The following LSMEM1 variants were observed in gnomAD, a reference collection of about 807,000 sequenced individuals.
LSMEM1 encodes leucine rich single-pass membrane protein 1.
In LSMEM1, 10 loss-of-function variants were observed where a neutral mutation model predicts 11.3. The observed-to-expected ratio is 0.89, with a 90% CI of 0.55 to 1.50. LSMEM1 has a LOEUF of 1.50. Ranked by LOEUF, LSMEM1 falls within the 40% of genes most tolerant of loss-of-function variation. The pLI is 0.00. For synonymous variants in LSMEM1, 65 were observed against 59.3 expected, an observed-to-expected ratio of 1.10 and a Z score of -0.44; for missense variants, 151 against 152.9, an observed-to-expected ratio of 0.99 and a Z score of 0.06.
intron 2 of LSMEM1, 146 bp from the exon 3 acceptor site, chr7:112,486,775 CAA>C (rs925655074): frequency 1.5e-5 from 16 of 1,095,064 alleles, no homozygotes; most frequent in Admixed American, 1.4e-4. Flanking sequence ...GACTCTGTCT[CAA>C]AAAAAAAGAG....
Position 112,490,082 on chromosome 7 carries a change from C to A in LSMEM1, c.*133C>A. The A allele has an allele frequency of 1.0e-6, 1 of 993,706 alleles. No homozygotes were observed. Among genetic ancestry groups the A allele is most frequent in the Non-Finnish European group, 1.4e-6 (1 of 691,572 alleles). The allele number at this position is 993,706 out of a possible 1,614,324, so 61.6% of individuals were successfully genotyped here. A position where few individuals can be genotyped will look rare whatever the true frequency, so the allele number is the denominator to read the frequency against. ...CTGGTCAGGCAACCCACCCCTGGGG[C>A]CCACTTTCTGCAGCAAGATGGGAGC... is the stretch of plus-strand genomic sequence containing the variant. On this transcript the variant is annotated 3_prime_UTR_variant, in exon 4 of 4. Transcript: ENST00000312849.
chr7:112,482,169 C>T (rs1384148788), intron 1 of LSMEM1, among the ~76,000 whole-genome samples: 1 of 129,932 alleles, frequency 7.7e-6, no homozygotes, highest in Non-Finnish European at 1.7e-5. Context: ...TTGCGTGTTG[C>T]AGCTCATTAA....
At position 112,490,663 on chromosome 7, in the gene LSMEM1, A is replaced by G. The variant is rs1796219338; in HGVS notation, c.*714A>G. The G allele has an allele frequency of 6.6e-6, 1 of 152,238 alleles. No individual in the cohort carries two copies. The highest frequency in any genetic ancestry group is 1.5e-5 in the Non-Finnish European group (1 of 68,052). The allele number at this position is 152,238 out of a possible 1,614,324, so 9.4% of individuals were successfully genotyped here. A position where few individuals can be genotyped will look rare whatever the true frequency, so the allele number is the denominator to read the frequency against. ...GGATAAAGAAAGGAGATGGACAGTT[A>G]TATGTAATTATATAAACTTTGTGTA... is the stretch of plus-strand genomic sequence containing the variant. On this transcript the variant is annotated 3_prime_UTR_variant, in exon 4 of 4. Transcript: ENST00000312849.
intron 2 of LSMEM1, chr7:112,485,990 A>G (rs546109920): frequency 6.6e-6 from 1 of 152,094 alleles, no homozygotes; most frequent in African/African-American, 2.4e-5. Context: ...TCTTGGTTTG[A>G]GTGAACCAAG....
intron 2 of LSMEM1, among the ~76,000 whole-genome samples, chr7:112,485,945 T>C (rs1796120635): frequency 1.3e-5 from 2 of 150,954 alleles, no homozygotes; most frequent in Middle Eastern, 3.4e-3. Context: ...ATTAGGCAAC[T>C]AGATCTTGCA....
At chr7:112,485,013 C>A in intron 2 of LSMEM1, 70 bp downstream of exon 2, 1 of 1,433,488 alleles carries the variant, frequency 7.0e-7, no homozygotes, top group Non-Finnish European at 9.4e-7. Context: ...CCACTGCTGA[C>A]TGGATGTGTG....
intron 2 of LSMEM1, chr7:112,486,704 AG>A (rs1796135276): frequency 2.3e-6 from 1 of 442,676 alleles, no homozygotes; most frequent in Non-Finnish European, 4.0e-6. Flanking sequence ...TGAACCCGGG[AG>A]GCAGAGGTTG....
Position 112,484,946 on chromosome 7 carries a change from A to G in LSMEM1, c.127+3A>G, listed in dbSNP as rs573187484. ...AGCCGGATCGCAGCATCTGTTCCGT[A>G]TGTGTGCTGGGGAAGGCACAGCAGC... is the stretch of plus-strand genomic sequence containing the variant. On this transcript the variant is annotated splice_donor_region_variant and intron_variant, in intron 2 of 3. Transcript: ENST00000312849. 9 of 1,577,090 alleles carry G rather than the reference A, an allele frequency of 5.7e-6. No individual in the cohort carries two copies. Among genetic ancestry groups the G allele is most frequent in the Non-Finnish European group, 7.8e-6 (9 of 1,157,134 alleles).
chr7:112,485,855 T>C (rs1349153075), intron 2 of LSMEM1, among the ~76,000 whole-genome samples: 2 of 151,010 alleles, frequency 1.3e-5, no homozygotes, highest in Admixed American at 6.6e-5. Context: ...CGTAGGAGAG[T>C]ATGCAAAAAG....
intron 3 of LSMEM1, among the ~76,000 whole-genome samples, chr7:112,487,709 C>T (rs1563280345): frequency 6.6e-6 from 1 of 152,248 alleles, no homozygotes; most frequent in Admixed American, 6.5e-5. Context: ...CGCCACCCTC[C>T]TCTCTGCCTT....
chr7:112,487,775 C>A (rs534544507), intron 3 of LSMEM1, among the ~76,000 whole-genome samples: 31 of 152,324 alleles, frequency 2.0e-4, no homozygotes, highest in Non-Finnish European at 4.1e-4. Context: ...CTGAGCGTTG[C>A]CTCTTCCCAC....
At chr7:112,484,281 C>A (rs1796086276) in intron 1 of LSMEM1, among the ~76,000 whole-genome samples, 2 of 152,114 alleles carry the variant, frequency 1.3e-5, no homozygotes, top group Non-Finnish European at 2.9e-5. Context: ...ATAAAAATTG[C>A]AATTTTCTAT....
chr7:112,487,378 A>T (rs146296101), intron 3 of LSMEM1, among the ~76,000 whole-genome samples: 1 of 152,212 alleles, frequency 6.6e-6, no homozygotes, highest in African/African-American at 2.4e-5. Context: ...ACTTTATCCA[A>T]TGCCTAGATT....
chr7:112,485,535 A>T (rs1192981944), intron 2 of LSMEM1, among the ~76,000 whole-genome samples: 1 of 152,200 alleles, frequency 6.6e-6, no homozygotes, highest in Admixed American at 6.5e-5. Flanking sequence ...ACCAGTGTTA[A>T]TTGCTCACTT....
At chr7:112,486,079 C>T (rs1251586891) in intron 2 of LSMEM1, 1 of 160,626 alleles carries the variant, frequency 6.2e-6, no homozygotes, top group Non-Finnish European at 1.4e-5. Context: ...CATATCCATC[C>T]AGAAGACAGC....
Position 112,486,829 on chromosome 7 carries a change from T to C in LSMEM1, c.128-94T>C, listed in dbSNP as rs1161563703. ...TCAGAGAGAAAGTGGGTGTGTCCAT[T>C]ACTCACGGTCTAACACTGGGGTACT... On this transcript the variant is annotated intron_variant, in intron 2 of 3. Transcript: ENST00000312849. 2.5e-5 allele frequency: 38 copies of C among 1,529,282 alleles called. No individual in the cohort carries two copies. In the Admixed American group the frequency reaches 7.4e-4, roughly 30 times the overall value. The allele number at this position is 1,529,282 out of a possible 1,614,324, so 94.7% of individuals were successfully genotyped here.
intron 1 of LSMEM1, 112 bp from the exon 2 acceptor site, chr7:112,484,700 T>C: frequency 1.9e-6 from 2 of 1,071,014 alleles, no homozygotes; most frequent in Middle Eastern, 2.2e-4. Context: ...TTGAAAATAC[T>C]ATTTGTGGGT....
intron 3 of LSMEM1, among the ~76,000 whole-genome samples, chr7:112,487,253 T>C (rs770451901): frequency 3.9e-5 from 6 of 152,176 alleles, no homozygotes; most frequent in Non-Finnish European, 7.3e-5. Context: ...CAGAAGCCCA[T>C]AGTGCCAGAA....
chr7:112,482,018 G>A (rs1030472709), intron 1 of LSMEM1, among the ~76,000 whole-genome samples: 64 of 152,312 alleles, frequency 4.2e-4, no homozygotes, highest in Admixed American at 2.8e-3. Context: ...TCAAACAGCC[G>A]TGGGGCCTGG....
Sources: allele counts gnomAD v4.1 joint callset (sites outside exome capture counted in the v4.1 genomes callset), GRCh38; gene constraint gnomAD v4.1.1; transcripts MANE v1.5; gene names NCBI Gene and HGNC (gene_info 2026-07-23, HGNC 2026-07-21).